Variants in PIK3CA observed in about 807,000 individuals in gnomAD.
PIK3CA encodes phosphatidylinositol 4,5-bisphosphate 3-kinase catalytic subunit alpha isoform.
Under a neutral mutation model 138.2 loss-of-function variants are expected in PIK3CA, and 27 were observed. The ratio of observed to expected loss-of-function variants is 0.20; its 90% CI spans 0.14 to 0.27. PIK3CA has a LOEUF of 0.27. PIK3CA is among the 10% of genes least tolerant of loss of function. PIK3CA has a pLI of 1.00. For synonymous variants in PIK3CA, 358 were observed against 413.2 expected, an observed-to-expected ratio of 0.87 and a Z score of 1.62; for missense variants, 544 against 1,277.4, an observed-to-expected ratio of 0.43 and a Z score of 8.75.
rs1170500213 is a variant in PIK3CA, at chr3:179,236,421, A to G, written c.*2057A>G. 4.7e-6 allele frequency: 1 copy of G among 212,672 alleles called. No individual in the cohort carries two copies. The highest frequency in any genetic ancestry group is 7.1e-5 in the East Asian group (1 of 13,994). 13.2% of individuals were successfully genotyped at this position (212,672 alleles called of 1,614,324 possible). The stretch of plus-strand genomic sequence containing the variant: ...TATTAACATTTTGTGTTGTTTAGAT[A>G]TAGGCAGTTGATACATACTAACATC... On this transcript the variant is annotated 3_prime_UTR_variant, in exon 21 of 21. Transcript: ENST00000263967.
At chr3:179,222,995 CAG>C (rs1257210960) in intron 14 of PIK3CA, among the ~76,000 whole-genome samples, 5 of 152,136 alleles carry the variant, frequency 3.3e-5, no homozygotes, top group Admixed American at 3.3e-4. Context: ...ATTCATTACT[CAG>C]ATCATTATTG....
chr3:179,205,807 T>G (rs891609973), intron 6 of PIK3CA, among the ~76,000 whole-genome samples: 65 of 152,206 alleles, frequency 4.3e-4, no homozygotes, highest in Non-Finnish European at 5.7e-4. Context: ...AAATTGTTAT[T>G]GGACTTTATG....
In PIK3CA at chr3:179,188,403, A is replaced by G. The variant is rs145125857; in HGVS notation, c.-76-10347A>G. On this transcript the variant is annotated intron_variant, in intron 1 of 20. Coordinates refer to ENST00000263967, the MANE Select transcript of PIK3CA (RefSeq NM_006218.4). ...GTGGGTTGGTTAATATAAAGGAATA[A>G]ATGAATTGGAGACCAAGTATTGTAC... Among the ~76,000 whole-genome samples the G allele has an allele frequency of 3.2e-3, 488 of 152,348 alleles. 2 individuals carry two copies. Among genetic ancestry groups the G allele is most frequent in the African/African-American group, 0.011 (470 of 41,578 alleles).
intron 1 of PIK3CA, among the ~76,000 whole-genome samples, chr3:179,178,081 A>C (rs1308569767): frequency 1.5e-5 from 2 of 132,772 alleles, no homozygotes; most frequent in African/African-American, 3.0e-5. Context: ...CTGTCTTTAC[A>C]AAAAAAAAAA....
chr3:179,221,403 G>A (rs940520946), intron 14 of PIK3CA, among the ~76,000 whole-genome samples: 7 of 152,054 alleles, frequency 4.6e-5, no homozygotes, highest in Admixed American at 3.3e-4. Context: ...TAAATTACAC[G>A]AGATATGCAA....
At chr3:179,170,069 C>T (rs564656606) in intron 1 of PIK3CA, among the ~76,000 whole-genome samples, 49 of 37,996 alleles carry the variant, frequency 1.3e-3, no homozygotes, top group African/African-American at 4.6e-3. Flanking sequence ...CGTGCACACG[C>T]GCGCGCGCAC....
chr3:179,224,410 T>C (rs556229920), intron 15 of PIK3CA, among the ~76,000 whole-genome samples: 1 of 152,262 alleles, frequency 6.6e-6, no homozygotes, highest in South Asian at 2.1e-4. Flanking sequence ...AAACCTTCTA[T>C]GGCCAGAATT....
At position 179,220,661 on chromosome 3, in the gene PIK3CA, G is replaced by A. The variant is rs1004826096; in HGVS notation, c.2016-325G>A. On this transcript the variant is annotated intron_variant, in intron 13 of 20. Coordinates refer to ENST00000263967, the MANE Select transcript of PIK3CA (RefSeq NM_006218.4). The surrounding 1 kb of genome is among the most constrained non-coding windows in gnomAD (Gnocchi z 4.1). ...AAGAGTCAAACAGCATTCACTGAGC[G>A]CTTTGTTCCCTCCCTCTTCATTTGA... Among the ~76,000 whole-genome samples the A allele has an allele frequency of 2.0e-5, 3 of 152,046 alleles. No homozygotes were observed. Among genetic ancestry groups the A allele is most frequent in the Admixed American group, 1.3e-4 (2 of 15,256 alleles).
At chr3:179,212,877 A>G (rs1724751106) in intron 9 of PIK3CA, among the ~76,000 whole-genome samples, 1 of 152,236 alleles carries the variant, frequency 6.6e-6, no homozygotes, top group Admixed American at 6.5e-5. Flanking sequence ...TATAGTACAT[A>G]TACCAAGTAA....
At chr3:179,161,558 C>T (rs773039895) in intron 1 of PIK3CA, among the ~76,000 whole-genome samples, 6 of 152,078 alleles carry the variant, frequency 3.9e-5, no homozygotes, top group African/African-American at 7.2e-5. Context: ...ATTAGCTGGG[C>T]GTGGTGGCGC....
In PIK3CA at chr3:179,234,718, G is replaced by GT. The variant is rs1553826294; in HGVS notation, c.*354_*355insT. 17 of 241,962 alleles carry GT rather than the reference G, an allele frequency of 7.0e-5. No homozygotes were observed. The highest frequency in any genetic ancestry group is 7.2e-5 in the Non-Finnish European group (9 of 124,872). The allele number at this position is 241,962 out of a possible 1,614,324, so 15.0% of individuals were successfully genotyped here. On this transcript the variant is annotated 3_prime_UTR_variant, in exon 21 of 21. Transcript: ENST00000263967. This position sits in a 1 kb window ranked among gnomAD's most constrained non-coding sequence, Gnocchi z 5.1. Reference sequence around the variant, plus strand: ...AAATGATGGAGAAGGAAAAAGTGATGGTTTTTTTTGTCTTGCAAATGTTCT... The same window carrying GT: ...AAATGATGGAGAAGGAAAAAGTGATGTGTTTTTTTTGTCTTGCAAATGTTCT...
chr3:179,173,311 C>CT (rs1723607468), intron 1 of PIK3CA, among the ~76,000 whole-genome samples: 1 of 149,946 alleles, frequency 6.7e-6, no homozygotes, highest in East Asian at 2.0e-4. Flanking sequence ...GTAATCCCAG[C>CT]ACTTTGGGAG....
At chr3:179,198,004 T>G (rs1724311623) in intron 1 of PIK3CA, among the ~76,000 whole-genome samples, 1 of 151,892 alleles carries the variant, frequency 6.6e-6, no homozygotes, top group Non-Finnish European at 1.5e-5. Flanking sequence ...TTCATTTCAG[T>G]CAGAAGTATT....
intron 18 of PIK3CA, among the ~76,000 whole-genome samples, chr3:179,229,750 GAA>G (rs549369729): frequency 9.3e-4 from 141 of 152,084 alleles, no homozygotes; most frequent in South Asian, 2.3e-3. Flanking sequence ...AAAATGATTA[GAA>G]AAAAATAATT....
intron 17 of PIK3CA, among the ~76,000 whole-genome samples, chr3:179,228,589 A>ACATTT (rs1725138250): frequency 6.6e-6 from 1 of 152,046 alleles, no homozygotes; most frequent in Non-Finnish European, 1.5e-5. Flanking sequence ...TACTTTAATT[A>ACATTT]AAACATTGCA....
chr3:179,226,633 C>G (rs1247923499), intron 17 of PIK3CA, among the ~76,000 whole-genome samples: 1 of 152,030 alleles, frequency 6.6e-6, no homozygotes, highest in African/African-American at 2.4e-5. Context: ...GTATTTTGGC[C>G]TATAAGTGGA....
intron 9 of PIK3CA, among the ~76,000 whole-genome samples, chr3:179,212,311 CTTTTTT>C (rs944592320): frequency 7.5e-6 from 1 of 133,432 alleles, no homozygotes; most frequent in Non-Finnish European, 1.6e-5. Context: ...CCCGGCCAAA[CTTTTTT>C]TTTTTAATAA....
intron 1 of PIK3CA, among the ~76,000 whole-genome samples, chr3:179,176,059 G>A (rs535603392): frequency 8.1e-4 from 124 of 152,222 alleles, no homozygotes; most frequent in Non-Finnish European, 1.6e-3. Context: ...CTTTCCAGAG[G>A]AAATCTATAG....
At chr3:179,223,363 G>T (rs568778996) in intron 14 of PIK3CA, among the ~76,000 whole-genome samples, 2 of 152,172 alleles carry the variant, frequency 1.3e-5, no homozygotes, top group Non-Finnish European at 2.9e-5. Context: ...GCTATTGCGT[G>T]ATAACTCAGC....
Sources: allele counts gnomAD v4.1 joint callset (sites outside exome capture counted in the v4.1 genomes callset), GRCh38; gene constraint gnomAD v4.1.1; non-coding constraint Gnocchi (gnomAD v3.1); transcripts MANE v1.5; gene names NCBI Gene and HGNC (gene_info 2026-07-23, HGNC 2026-07-21).